ZHX3: variants seen among roughly 807,000 people sequenced by gnomAD.
The protein encoded by ZHX3 is zinc fingers and homeoboxes 3, also known as zinc fingers and homeoboxes protein 3.
In ZHX3, 20 loss-of-function variants were observed where a neutral mutation model predicts 64.5. That is an observed-to-expected ratio of 0.31 (90% CI 0.22 to 0.45). The LOEUF (loss-of-function observed/expected upper bound fraction) is 0.45. Ranked by LOEUF, ZHX3 falls within the 20% of genes least tolerant of loss-of-function variation. ZHX3 has a pLI of 1.00. For synonymous variants in ZHX3, 423 were observed against 461.6 expected (o/e 0.92, Z 1.07); for missense variants, 1,041 against 1,195.8 (o/e 0.87, Z 1.91).
intron 3 of ZHX3, among the ~76,000 whole-genome samples, chr20:41,192,223 A>G (rs1359977542): frequency 1.3e-5 from 2 of 152,162 alleles, no homozygotes; most frequent in East Asian, 1.9e-4. Context: ...AACCTCAGGT[A>G]CCCAAGAGGA....
chr20:41,237,548 G>T (rs2041093231), intron 2 of ZHX3, among the ~76,000 whole-genome samples: 1 of 152,180 alleles, frequency 6.6e-6, no homozygotes. Flanking sequence ...TCACTCATAG[G>T]TGGGAATTGA....
intron 2 of ZHX3, among the ~76,000 whole-genome samples, chr20:41,262,651 A>C (rs755074241): frequency 5.3e-5 from 8 of 152,232 alleles, no homozygotes; most frequent in Non-Finnish European, 1.2e-4. Flanking sequence ...GAAGGCAGGG[A>C]CAGAATTGCC....
At chr20:41,210,006 A>T (rs1384506802) in intron 2 of ZHX3, among the ~76,000 whole-genome samples, 1 of 152,214 alleles carries the variant, frequency 6.6e-6, no homozygotes, top group Non-Finnish European at 1.5e-5. Context: ...CAAGAAAAAC[A>T]TCAAAGAACC....
chr20:41,186,091 C>T (rs2036496513), intron 3 of ZHX3, among the ~76,000 whole-genome samples: 2 of 152,198 alleles, frequency 1.3e-5, no homozygotes, highest in Admixed American at 6.5e-5. Flanking sequence ...AAAACCATCA[C>T]TCTATTTCCA....
chr20:41,238,506 C>A (rs748910328), intron 2 of ZHX3, among the ~76,000 whole-genome samples: 2 of 151,954 alleles, frequency 1.3e-5, no homozygotes, highest in African/African-American at 2.4e-5. Context: ...AAAATTTCTG[C>A]AAAAAACAAC....
Position 41,185,247 on chromosome 20 carries a change from C to A in ZHX3, c.2861-46G>T. 2.6e-6 allele frequency: 4 copies of A among 1,565,128 alleles called. No individual in the cohort carries two copies. Among genetic ancestry groups the A allele is most frequent in the Non-Finnish European group, 3.5e-6 (4 of 1,152,052 alleles). ...TGTCACTCTACGGCAGCTGCCACCA[C>A]CTGCCCCCCAGGCAGCCTGGTCCTT... On this transcript the variant is annotated intron_variant, in intron 3 of 3. Transcript: ENST00000683867. This position sits in a 1 kb window ranked among gnomAD's most constrained non-coding sequence, Gnocchi z 5.0.
At chr20:41,290,293 C>T (rs999604967) in intron 1 of ZHX3, 1 of 152,200 alleles carries the variant, frequency 6.6e-6, no homozygotes, top group Non-Finnish European at 1.5e-5. Flanking sequence ...GACAGGGTCT[C>T]ACTCTGTTGC....
intron 2 of ZHX3, among the ~76,000 whole-genome samples, chr20:41,209,725 C>G (rs1313011195): frequency 6.6e-6 from 1 of 152,110 alleles, no homozygotes; most frequent in Admixed American, 6.6e-5. Flanking sequence ...AATGTTAGAC[C>G]TAAAACCATA....
chr20:41,289,261 A>G (rs569918041), intron 1 of ZHX3, among the ~76,000 whole-genome samples: 2 of 152,076 alleles, frequency 1.3e-5, no homozygotes, highest in South Asian at 4.2e-4. Context: ...TCAGCCTCCC[A>G]AAGTGCTGGG....
chr20:41,253,794 G>A (rs1256201840), intron 2 of ZHX3, among the ~76,000 whole-genome samples: 1 of 152,122 alleles, frequency 6.6e-6, no homozygotes, highest in Non-Finnish European at 1.5e-5. Context: ...AGTGAGGGGG[G>A]AATGCATCGA....
chr20:41,188,814 C>T (rs1271398208), intron 3 of ZHX3, among the ~76,000 whole-genome samples: 1 of 152,132 alleles, frequency 6.6e-6, no homozygotes, highest in Non-Finnish European at 1.5e-5. Context: ...CATATTGTCT[C>T]TGTGCTGATT....
In ZHX3 at chr20:41,273,659, T is replaced by G. The variant is rs77038085; in HGVS notation, c.-244-4576A>C. ...TGGCACTGTTCTCAAAGGTCACAGATGTACAGGTTTATTTCTGGACTCTCA... is the reference window on the plus strand; with the variant it reads ...TGGCACTGTTCTCAAAGGTCACAGAGGTACAGGTTTATTTCTGGACTCTCA... On this transcript the variant is annotated intron_variant, in intron 1 of 3. Transcript: ENST00000683867. 7.8e-3 allele frequency among the ~76,000 whole-genome samples: 1,188 copies of G among 152,300 alleles called. 11 individuals carry two copies. The highest frequency in any genetic ancestry group is 0.027 in the African/African-American group (1,125 of 41,568).
rs372811008 is a variant in ZHX3 at position 41,203,351 on chromosome 20, G to A, written c.1566C>T (p.Ser522=). 9.3e-6 allele frequency: 15 copies of A among 1,613,962 alleles called. No individual in the cohort carries two copies. Among genetic ancestry groups the A allele is most frequent in the Middle Eastern group, 1.6e-4 (1 of 6,084 alleles). ...SFCRNQFPGQ[S]EVEHLTKVTG... is the part of the protein sequence containing the mutation. ...TCACTTTTGTGAGATGTTCAACTTC[G>A]CTCTGCCCTGGGAACTGGTTCCGAC... Residue 522 remains serine, a synonymous_variant, in exon 3 of 4, where the codon AGC becomes AGT. Coordinates refer to ENST00000683867, the MANE Select transcript of ZHX3 (RefSeq NM_001384317.1). This position sits in a 1 kb window ranked among gnomAD's most constrained non-coding sequence, Gnocchi z 7.1.
At chr20:41,216,772 C>G (rs186082885) in intron 2 of ZHX3, among the ~76,000 whole-genome samples, 1 of 152,148 alleles carries the variant, frequency 6.6e-6, no homozygotes, top group African/African-American at 2.4e-5. Flanking sequence ...ATATTGTTAG[C>G]AAAATACAAA....
intron 1 of ZHX3, among the ~76,000 whole-genome samples, chr20:41,277,240 G>A (rs899671838): frequency 6.6e-5 from 10 of 152,188 alleles, no homozygotes; most frequent in African/African-American, 1.9e-4. Flanking sequence ...GAAGCAGGAC[G>A]ACTGCTAGAG....
Position 41,224,461 on chromosome 20 carries a change from A to G in ZHX3, c.-150-19395T>C, listed in dbSNP as rs778085942. The stretch of plus-strand genomic sequence containing the variant: ...CTAATTTGTCTGCATTTCTCACAAA[A>G]TGTGGCAATTAGAACTGAACAAAGC... On this transcript the variant is annotated intron_variant, in intron 2 of 3. Transcript: ENST00000683867. This position sits in a 1 kb window ranked among gnomAD's most constrained non-coding sequence, Gnocchi z 5.2. 2.0e-5 allele frequency among the ~76,000 whole-genome samples: 3 copies of G among 152,204 alleles called. No homozygotes were observed. The highest frequency in any genetic ancestry group is 4.4e-5 in the Non-Finnish European group (3 of 68,036).
intron 1 of ZHX3, among the ~76,000 whole-genome samples, chr20:41,269,788 A>AC (rs1056357104): frequency 2.0e-5 from 3 of 152,094 alleles, no homozygotes; most frequent in African/African-American, 7.2e-5. Flanking sequence ...AGAACTTCCA[A>AC]CAGACGTGTA....
rs2040285753 is a variant in ZHX3 at position 41,226,557 on chromosome 20, T to C, written c.-150-21491A>G. The stretch of plus-strand genomic sequence containing the variant: ...TTTTTATTCTTTTGGGTATACACTT[T>C]TTCTTGTTTAAGCTCTCCACAATCC... On this transcript the variant is annotated intron_variant, in intron 2 of 3. Coordinates refer to ENST00000683867, the MANE Select transcript of ZHX3 (RefSeq NM_001384317.1). The surrounding 1 kb of genome is among the most constrained non-coding windows in gnomAD (Gnocchi z 4.4). 6.6e-6 allele frequency among the ~76,000 whole-genome samples: 1 copy of C among 152,150 alleles called. No individual in the cohort carries two copies. Among genetic ancestry groups the C allele is most frequent in the African/African-American group, 2.4e-5 (1 of 41,426 alleles).
At chr20:41,296,576 T>G (rs1019902205) in intron 1 of ZHX3, among the ~76,000 whole-genome samples, 2 of 152,200 alleles carry the variant, frequency 1.3e-5, no homozygotes, top group Non-Finnish European at 2.9e-5. Context: ...GCCACACACG[T>G]GCACATGAGC....
Sources: gnomAD v4.1 joint callset for allele counts (sites outside exome capture counted in the v4.1 genomes callset) on GRCh38, gnomAD v4.1.1 for gene constraint, Gnocchi (gnomAD v3.1) non-coding constraint, MANE v1.5 for transcripts, NCBI Gene and HGNC (gene_info 2026-07-23, HGNC 2026-07-21) for gene names.